The following PRKCZ variants were observed in gnomAD, a reference collection of about 807,000 sequenced individuals.
PRKCZ encodes the protein protein kinase C zeta type.
A neutral mutation model predicts 79.5 loss-of-function variants in PRKCZ; 33 were observed. The observed-to-expected ratio is 0.41, with a 90% CI of 0.31 to 0.55. The LOEUF (loss-of-function observed/expected upper bound fraction) is 0.55, where lower values mean the gene tolerates loss of function less well. Among genes scored for constraint, PRKCZ ranks in the 20% least tolerant of loss-of-function variants. The pLI is 0.19. For synonymous variants in PRKCZ, 342 were observed against 320.9 expected (o/e 1.07, Z -0.70); for missense variants, 578 against 813.5 (o/e 0.71, Z 3.52).
intron 4 of PRKCZ, among the ~76,000 whole-genome samples, chr1:2,065,678 C>CA (rs61017134): frequency 0.1 from 5,514 of 54,174 alleles, 451 homozygotes; most frequent in East Asian, 0.36. Flanking sequence ...GACTCTGTCT[C>CA]AAAAAAAAAA....
intron 4 of PRKCZ, among the ~76,000 whole-genome samples, chr1:2,115,765 G>A (rs1311111796): frequency 6.6e-6 from 1 of 152,198 alleles, no homozygotes; most frequent in Non-Finnish European, 1.5e-5. Flanking sequence ...CCACACGGAG[G>A]AGCTGCACGG....
intron 1 of PRKCZ, among the ~76,000 whole-genome samples, chr1:2,054,259 G>T (rs1659948234): frequency 6.6e-6 from 1 of 152,164 alleles, no homozygotes; most frequent in Non-Finnish European, 1.5e-5. Context: ...CTGTGCTCTT[G>T]CCCCGCGCTC....
intron 4 of PRKCZ, among the ~76,000 whole-genome samples, chr1:2,103,152 T>A (rs1249429938): frequency 6.6e-6 from 1 of 152,200 alleles, no homozygotes; most frequent in East Asian, 1.9e-4. Context: ...CACGCCGGGC[T>A]AGACTGTGGG....
intron 4 of PRKCZ, chr1:2,073,728 G>A (rs1661857936): frequency 2.0e-6 from 2 of 999,282 alleles, no homozygotes; most frequent in South Asian, 8.8e-5. Flanking sequence ...TGAGGAGGCA[G>A]GGATGTGAGG....
intron 9 of PRKCZ, 23 bp downstream of exon 9, chr1:2,151,001 C>A (rs1238757202): frequency 6.2e-7 from 1 of 1,610,608 alleles, no homozygotes; most frequent in Non-Finnish European, 8.5e-7. Flanking sequence ...TCTCATGGGG[C>A]CCGGGGGCCC....
chr1:2,107,796 A>G (rs1668857781), intron 4 of PRKCZ, among the ~76,000 whole-genome samples: 1 of 150,610 alleles, frequency 6.6e-6, no homozygotes, highest in African/African-American at 2.5e-5. Flanking sequence ...GATTTCCCCC[A>G]GGGCAGTGTC....
rs1457701450 is a variant in PRKCZ, at chr1:2,169,621, G to A, written c.1061+17G>A. 10 of 1,476,180 alleles carry A rather than the reference G, an allele frequency of 6.8e-6. No homozygotes were observed. In the African/African-American group the frequency reaches 7.1e-5, roughly 10 times the overall value. The allele number at this position is 1,476,180 out of a possible 1,614,324, so 91.4% of individuals were successfully genotyped here. A position where few individuals can be genotyped will look rare whatever the true frequency, so the allele number is the denominator to read the frequency against. ...GCACGCCAGGTGGGTGCGCGTGGAC[G>A]GGGCCGGGTGGGTGCGCCCGGAGTT... On this transcript the variant is annotated intron_variant, in intron 11 of 17. Coordinates refer to ENST00000378567, the MANE Select transcript of PRKCZ (RefSeq NM_002744.6).
chr1:2,164,745 G>A (rs1404290938), intron 10 of PRKCZ, among the ~76,000 whole-genome samples: 1 of 152,164 alleles, frequency 6.6e-6, no homozygotes, highest in East Asian at 1.9e-4. Context: ...TCTAAATTGC[G>A]TTATTACCTC....
At chr1:2,184,378 T>C (rs1466313376) in intron 16 of PRKCZ, 4 of 530,920 alleles carry the variant, frequency 7.5e-6, no homozygotes, top group Non-Finnish European at 1.3e-5. Flanking sequence ...CACTGGCATT[T>C]CTCAGCTCGA....
intron 16 of PRKCZ, among the ~76,000 whole-genome samples, chr1:2,181,178 C>G (rs1047210197): frequency 6.6e-6 from 1 of 152,150 alleles, no homozygotes; most frequent in Non-Finnish European, 1.5e-5. Context: ...CCTCCTCCCC[C>G]TCAGCCCCTT....
upstream of PRKCZ, chr1:2,050,192 G>T (rs1019374918): frequency 2.6e-5 from 4 of 152,066 alleles, no homozygotes; most frequent in Admixed American, 6.5e-5. Flanking sequence ...CGCGCCGCGC[G>T]CGGTCCCATT....
intron 4 of PRKCZ, among the ~76,000 whole-genome samples, chr1:2,080,338 G>GTGGCAGTGCGCGTGGACA (rs1260467989): frequency 6.6e-6 from 1 of 152,110 alleles, no homozygotes; most frequent in African/African-American, 2.4e-5. Context: ...GCGCGTGGAC[G>GTGGCAGTGCGCGTGGACA]TGGCGGTGCG....
At chr1:2,116,040 G>A (rs1670680398) in intron 4 of PRKCZ, among the ~76,000 whole-genome samples, 1 of 152,166 alleles carries the variant, frequency 6.6e-6, no homozygotes, top group South Asian at 2.1e-4. Flanking sequence ...AAGACCAGCC[G>A]CATCCTGGAG....
At chr1:2,155,097 A>AGATGATGGTGAT (rs1281770568) in intron 9 of PRKCZ, among the ~76,000 whole-genome samples, 1 of 152,126 alleles carries the variant, frequency 6.6e-6, no homozygotes, top group East Asian at 1.9e-4. Flanking sequence ...ATCGTGGTGA[A>AGATGATGGTGAT]GATGATGGTG....
intron 16 of PRKCZ, among the ~76,000 whole-genome samples, chr1:2,176,034 G>A (rs1033501556): frequency 3.3e-5 from 5 of 152,180 alleles, no homozygotes; most frequent in African/African-American, 9.7e-5. Flanking sequence ...GAGCTTTAGC[G>A]TCGGGTATTG....
At chr1:2,129,953 A>G (rs918090736) in intron 4 of PRKCZ, among the ~76,000 whole-genome samples, 55 of 152,212 alleles carry the variant, frequency 3.6e-4, no homozygotes, top group African/African-American at 1.3e-3. Flanking sequence ...CCCAGGCTGG[A>G]ATACAGTGGT....
intron 4 of PRKCZ, chr1:2,134,982 C>T (rs1054792971): frequency 5.6e-5 from 15 of 268,512 alleles, no homozygotes; most frequent in African/African-American, 2.9e-4. Context: ...TGTCAGCAAG[C>T]GGCCGTCCCG....
Position 2,185,048 on chromosome 1 carries a change from C to A in PRKCZ, c.*39C>A. 1 of 1,547,594 alleles carries A rather than the reference C, an allele frequency of 6.5e-7. No homozygotes were observed. The highest frequency in any genetic ancestry group is 8.8e-7 in the Non-Finnish European group (1 of 1,130,594). ...TCTGTCGTGGACACGCGTGATTGAC[C>A]CTTTAACTGTATCCTTAACCACCGC... On this transcript the variant is annotated 3_prime_UTR_variant, in exon 18 of 18. Coordinates refer to ENST00000378567, the MANE Select transcript of PRKCZ (RefSeq NM_002744.6).
At chr1:2,179,406 C>T (rs540312463) in intron 16 of PRKCZ, among the ~76,000 whole-genome samples, 6 of 152,344 alleles carry the variant, frequency 3.9e-5, no homozygotes, top group African/African-American at 9.6e-5. Context: ...GCAGGATCCC[C>T]GGTACTTGGC....
Sources: allele counts gnomAD v4.1 joint callset (sites outside exome capture counted in the v4.1 genomes callset), GRCh38; gene constraint gnomAD v4.1.1; transcripts MANE v1.5; gene names NCBI Gene and HGNC (gene_info 2026-07-23, HGNC 2026-07-21).